The following MYO16 variants were observed in gnomAD, a reference collection of about 807,000 sequenced individuals.
The protein encoded by MYO16 is myosin XVI, also known as unconventional myosin-XVI.
A neutral mutation model predicts 205.3 loss-of-function variants in MYO16; 94 were observed. That is an observed-to-expected ratio of 0.46 (90% CI 0.39 to 0.54). MYO16 has a LOEUF of 0.54. Ranked by LOEUF, MYO16 falls within the 20% of genes least tolerant of loss-of-function variation. The probability of loss-of-function intolerance (pLI) is 0.00; values close to 1 mark genes in which losing one functional copy is unlikely to be tolerated. For missense variants in MYO16, 2,315 were observed against 2,387.5 expected, an observed-to-expected ratio of 0.97 and a Z score of 0.63; for synonymous variants, 988 against 954.0, an observed-to-expected ratio of 1.04 and a Z score of -0.66.
In MYO16 at chr13:108,867,208, CA is replaced by C. The variant is rs1396617618; in HGVS notation, c.1425+971del. 6.6e-5 allele frequency among the ~76,000 whole-genome samples: 10 copies of C among 151,752 alleles called. No homozygotes were observed. In the South Asian group the frequency reaches 8.3e-4, roughly 13 times the overall value. ...AAAAACAAAACAAAACAAAACAAAA[CA>C]AAAACAATTAGCCAGCTGTGGTGGT... On this transcript the variant is annotated intron_variant, in intron 12 of 34. Transcript: ENST00000457511.
rs545682521 is a variant in MYO16 at position 109,186,148 on chromosome 13, A to G, written c.5415+6515A>G. On this transcript the variant is annotated intron_variant, in intron 34 of 34. Transcript: ENST00000457511. Reference sequence around the variant, plus strand: ...ACCATTGCATTCCAGCCTAAGCAACAGAGACCGTGTCTCAAAAAAAAATTA... The same window carrying G: ...ACCATTGCATTCCAGCCTAAGCAACGGAGACCGTGTCTCAAAAAAAAATTA... 5.3e-5 allele frequency among the ~76,000 whole-genome samples: 8 copies of G among 152,298 alleles called. No individual in the cohort carries two copies. In the South Asian group the frequency reaches 1.7e-3, roughly 32 times the overall value.
At position 108,634,813 on chromosome 13, in the gene MYO16, G is replaced by A. The variant is rs538725780; in HGVS notation, c.28+4941G>A. The stretch of plus-strand genomic sequence containing the variant: ...AGTTGCTGGCTTTCTCTTCTTCTTC[G>A]GGCGTGGCCCTAACTTTCTTTTGAC... On this transcript the variant is annotated intron_variant, in intron 1 of 34. Coordinates refer to ENST00000457511, the MANE Select transcript of MYO16 (RefSeq NM_001198950.3). 1.4e-4 allele frequency among the ~76,000 whole-genome samples: 22 copies of A among 152,072 alleles called. 1 individual carries two copies. In the Middle Eastern group the frequency reaches 0.014, roughly 94 times the overall value.
chr13:108,911,715 A>G (rs534797276), intron 16 of MYO16, among the ~76,000 whole-genome samples: 6 of 152,296 alleles, frequency 3.9e-5, no homozygotes, highest in African/African-American at 4.8e-5. Context: ...AGATGTCCCT[A>G]TGGTATTCCC....
At chr13:108,919,243 G>A (rs993786665) in intron 16 of MYO16, among the ~76,000 whole-genome samples, 1 of 152,214 alleles carries the variant, frequency 6.6e-6, no homozygotes, top group African/African-American at 2.4e-5. Context: ...CAGTCCCATG[G>A]CCCTGGCTGG....
At chr13:109,146,969 G>A (rs936515923) in intron 32 of MYO16, among the ~76,000 whole-genome samples, 5 of 151,496 alleles carry the variant, frequency 3.3e-5, no homozygotes, top group Non-Finnish European at 5.9e-5. Flanking sequence ...TATTCTTAAG[G>A]CATTTTAATA....
chr13:109,195,522 ACT>A (rs1880117450), intron 34 of MYO16, among the ~76,000 whole-genome samples: 2 of 151,870 alleles, frequency 1.3e-5, no homozygotes, highest in African/African-American at 4.8e-5. Flanking sequence ...GGTTTTATAG[ACT>A]CTGTTTTTTC....
the MYO16 span, among the ~76,000 whole-genome samples, chr13:108,583,200 C>A: frequency 6.4e-3 from 976 of 152,182 alleles, 8 homozygotes; most frequent in South Asian, 0.026. Flanking sequence ...ATGTAGAATT[C>A]TTTTGCACAC....
the MYO16 span, among the ~76,000 whole-genome samples, chr13:108,573,023 A>G: frequency 6.6e-6 from 1 of 152,198 alleles, no homozygotes; most frequent in Non-Finnish European, 1.5e-5. Context: ...TCTTCCCAGG[A>G]TGAGACACAA....
chr13:109,120,107 T>G (rs1438860846), intron 28 of MYO16, among the ~76,000 whole-genome samples: 4 of 152,242 alleles, frequency 2.6e-5, no homozygotes, highest in African/African-American at 7.2e-5. Flanking sequence ...GTTTCTCTTT[T>G]GCACCACATG....
intron 27 of MYO16, among the ~76,000 whole-genome samples, chr13:109,076,673 A>G (rs146253067): frequency 7.9e-5 from 12 of 152,276 alleles, no homozygotes; most frequent in Non-Finnish European, 1.6e-4. Flanking sequence ...TTCCTCTTCC[A>G]TCAGCAGGGA....
chr13:108,970,574 C>T (rs1414071397), intron 20 of MYO16, among the ~76,000 whole-genome samples: 17 of 152,152 alleles, frequency 1.1e-4, no homozygotes, highest in Non-Finnish European at 2.1e-4. Flanking sequence ...ACCCCAGTGT[C>T]GAGGTAAAAT....
chr13:108,888,450 G>C lies in MYO16; in HGVS notation c.1632G>C (p.Arg544Ser), dbSNP rs1880005589. Residue 544 changes from arginine (R) to serine (S), a missense_variant, in exon 14 of 35, where the codon AGG becomes AGC. Physicochemically the swap from Arg to Ser is moderately radical, Grantham distance 110. Coordinates refer to ENST00000457511, the MANE Select transcript of MYO16 (RefSeq NM_001198950.3). ...TCACCTGCAGGGCTGGCGCCAGCAG[G>C]GCCACACTGGATTCCAGATTCAAAC... is the stretch of plus-strand genomic sequence containing the variant. ...RHLTCRAGAS[R>S]ATLDSRFKHV... 6.2e-7 allele frequency: 1 copy of C among 1,605,620 alleles called. No homozygotes were observed. The highest frequency in any genetic ancestry group is 8.5e-7 in the Non-Finnish European group (1 of 1,177,420).
intron 1 of MYO16, among the ~76,000 whole-genome samples, chr13:108,617,404 A>G (rs1489150873): frequency 6.6e-6 from 1 of 152,190 alleles, no homozygotes; most frequent in African/African-American, 2.4e-5. Flanking sequence ...GATTTCAGCT[A>G]TGATAGCTCA....
chr13:108,696,060 T>C (rs1204959267), intron 2 of MYO16, among the ~76,000 whole-genome samples: 2 of 152,214 alleles, frequency 1.3e-5, no homozygotes, highest in Non-Finnish European at 2.9e-5. Context: ...TAAGTATGGT[T>C]TCATTAAATA....
At chr13:108,708,729 T>C (rs973714565) in intron 2 of MYO16, among the ~76,000 whole-genome samples, 6 of 152,184 alleles carry the variant, frequency 3.9e-5, no homozygotes, top group Non-Finnish European at 5.9e-5. Flanking sequence ...TATAGATTGC[T>C]ATGCAGTCAC....
intron 28 of MYO16, among the ~76,000 whole-genome samples, 165 bp downstream of exon 28, chr13:109,101,052 G>T (rs986232110): frequency 2.0e-5 from 3 of 152,142 alleles, no homozygotes; most frequent in Non-Finnish European, 4.4e-5. Flanking sequence ...CATTCTTTAT[G>T]ACTTACCGAT....
intron 2 of MYO16, among the ~76,000 whole-genome samples, chr13:108,689,592 G>T (rs925562184): frequency 6.6e-6 from 1 of 151,924 alleles, no homozygotes; most frequent in African/African-American, 2.4e-5. Context: ...AACTTTCATT[G>T]TCAAAACTTA....
At chr13:108,499,988 G>A in the MYO16 span, among the ~76,000 whole-genome samples, 1 of 151,388 alleles carries the variant, frequency 6.6e-6, no homozygotes, top group Non-Finnish European at 1.5e-5. Flanking sequence ...GCTCCGGCGG[G>A]CCCTCTGTGC....
At chr13:108,538,744 A>G in the MYO16 span, among the ~76,000 whole-genome samples, 1 of 152,036 alleles carries the variant, frequency 6.6e-6, no homozygotes, top group Non-Finnish European at 1.5e-5. Flanking sequence ...CTGTGTCCCT[A>G]GTGTTTAGCA....
Sources: gnomAD v4.1 joint callset for allele counts (sites outside exome capture counted in the v4.1 genomes callset) on GRCh38, gnomAD v4.1.1 for gene constraint, MANE v1.5 for transcripts, NCBI Gene and HGNC (gene_info 2026-07-23, HGNC 2026-07-21) for gene names.